CROCC: variants seen among roughly 807,000 people sequenced by gnomAD.
CROCC encodes the protein rootletin.
A neutral mutation model predicts 245.2 loss-of-function variants in CROCC; 180 were observed. That is an observed-to-expected ratio of 0.73 (90% CI 0.65 to 0.83). The LOEUF is 0.83. CROCC is among the 40% of genes least tolerant of loss of function. CROCC has a pLI of 0.00. For missense variants in CROCC, 2,688 were observed against 2,779.4 expected (o/e 0.97, Z 0.74); for synonymous variants, 1,205 against 1,241.6 (o/e 0.97, Z 0.62).
intron 34 of CROCC, 40 bp downstream of exon 34, chr1:16,970,493 G>T: frequency 1.3e-6 from 2 of 1,517,790 alleles, no homozygotes; most frequent in Admixed American, 2.0e-5. Context: ...TTCCTCTGGG[G>T]CCTAACCGTG....
chr1:16,964,537 C>T (rs981331150), intron 27 of CROCC, among the ~76,000 whole-genome samples: 2 of 151,942 alleles, frequency 1.3e-5, no homozygotes, highest in Non-Finnish European at 2.9e-5. Context: ...TACAGGCGCC[C>T]GCCACCACAC....
At chr1:16,938,628 C>T (rs2075845812) in intron 11 of CROCC, 145 bp downstream of exon 11, 1 of 892,750 alleles carries the variant, frequency 1.1e-6, no homozygotes, top group African/African-American at 1.6e-5. Context: ...CCTGCTAGCT[C>T]ACCCAGCCTC....
At chr1:16,942,374 T>G (rs2075952217) in intron 13 of CROCC, among the ~76,000 whole-genome samples, 1 of 152,294 alleles carries the variant, frequency 6.6e-6, no homozygotes, top group Admixed American at 6.5e-5. Context: ...TGTTTGGTTT[T>G]TCTCTTCATA....
rs1425939478 is a variant in CROCC, at chr1:16,958,627, G to A, written c.3909G>A (p.Leu1303=). Residue 1303 remains leucine (L), a synonymous_variant, in exon 26 of 37, where the codon CTG becomes CTA. Transcript: ENST00000375541. ...AGAACACCAGACTGGGCCGGGAGCT[G>A]GCGGAGCTGCAGGGCCGCCTGGCGC... ...DSENTRLGRE[L]AELQGRLALG... is the part of the protein sequence containing the mutation. The A allele has an allele frequency of 6.4e-7, 1 of 1,555,736 alleles. No homozygotes were observed. Among genetic ancestry groups the A allele is most frequent in the Non-Finnish European group, 8.7e-7 (1 of 1,150,012 alleles).
At chr1:16,957,673 G>A (rs1455318089) in intron 25 of CROCC, among the ~76,000 whole-genome samples, 1 of 152,122 alleles carries the variant, frequency 6.6e-6, no homozygotes, top group Non-Finnish European at 1.5e-5. Flanking sequence ...TCGAACTCCT[G>A]ATGTCAGGTG....
intron 19 of CROCC, among the ~76,000 whole-genome samples, chr1:16,949,989 G>T (rs543948636): frequency 1.4e-4 from 21 of 151,388 alleles, no homozygotes; most frequent in Admixed American, 1.2e-3. Context: ...AGCTGGTCTC[G>T]AACTCTTGAC....
At chr1:16,962,273 C>T (rs570592944) in intron 27 of CROCC, among the ~76,000 whole-genome samples, 4 of 150,874 alleles carry the variant, frequency 2.7e-5, no homozygotes, top group Middle Eastern at 3.4e-3. Flanking sequence ...AGGCTGGGCG[C>T]GGTGGCTCAT....
chr1:16,915,246 C>T (rs1443014915), intron 1 of CROCC, among the ~76,000 whole-genome samples: 1 of 152,406 alleles, frequency 6.6e-6, no homozygotes, highest in Non-Finnish European at 1.5e-5. Context: ...CCAACATGAC[C>T]CCAGCCAGAG....
chr1:16,936,539 G>A (rs1570621213), intron 8 of CROCC, 98 bp from the exon 9 acceptor site: 1 of 1,268,206 alleles, frequency 7.9e-7, no homozygotes, highest in Non-Finnish European at 1.1e-6. Context: ...GAAGTGCTGG[G>A]ATTATAGGTG....
Position 16,932,682 on chromosome 1 carries a change from AG to A in CROCC, c.956+1291del, listed in dbSNP as rs1467330329. On this transcript the variant is annotated intron_variant, in intron 8 of 36. Transcript: ENST00000375541. ...ATGGAGGTGGGAGCCCATGGCAGCCAGGGGGGTTGCAATGAAGAGCTGGTAC... is the reference window on the plus strand; with the variant it reads ...ATGGAGGTGGGAGCCCATGGCAGCCAGGGGGTTGCAATGAAGAGCTGGTAC... Among the ~76,000 whole-genome samples, 28 of 152,298 alleles carry A rather than the reference AG, an allele frequency of 1.8e-4. No homozygotes were observed. In the East Asian group the frequency reaches 3.9e-3, roughly 21 times the overall value.
intron 3 of CROCC, among the ~76,000 whole-genome samples, chr1:16,926,944 G>A (rs1202000021): frequency 6.6e-6 from 1 of 152,268 alleles, no homozygotes; most frequent in Non-Finnish European, 1.5e-5. Context: ...TTGTGGAAAG[G>A]GGTGAGGTGT....
At position 16,971,542 on chromosome 1, in the gene CROCC, G is replaced by A. The variant is rs1181519165; in HGVS notation, c.5862G>A (p.Leu1954=). 6.5e-7 allele frequency: 1 copy of A among 1,536,884 alleles called. No homozygotes were observed. Among genetic ancestry groups the A allele is most frequent in the South Asian group, 1.2e-5 (1 of 83,916 alleles). ...ATGCGCAGCAGCAGCAGCTGGAGCT[G>A]CAGCAGGAGGTGGAGCGGCTGCGCA... The part of the protein sequence containing the change: ...EVDAQQQQLE[L]QQEVERLRSA... Residue 1954 remains leucine (L), a synonymous_variant, in exon 36 of 37, where the codon CTG becomes CTA. Transcript: ENST00000375541.
chr1:16,934,757 TC>T (rs1465099985), intron 8 of CROCC, among the ~76,000 whole-genome samples: 1 of 152,216 alleles, frequency 6.6e-6, no homozygotes, highest in Non-Finnish European at 1.5e-5. Flanking sequence ...TCCTCTTCCC[TC>T]CTTGGAGGCA....
rs1044142545 is a variant in CROCC, at chr1:16,956,159, A to G, written c.3864+3A>G. The G allele has an allele frequency of 7.2e-6, 11 of 1,535,022 alleles. No homozygotes were observed. Among genetic ancestry groups the G allele is most frequent in the Non-Finnish European group, 9.7e-6 (11 of 1,137,802 alleles). ...AGCTGCAGGAGCTCCGGCGTCAGGT[A>G]CTCTCCCTGTGCCACCCCTTAGCCT... On this transcript the variant is annotated splice_donor_region_variant and intron_variant, in intron 25 of 36. Transcript: ENST00000375541.
At chr1:16,917,103 G>A (rs1187662825), upstream of CROCC, among the ~76,000 whole-genome samples, 15 of 152,292 alleles carry the variant, frequency 9.8e-5, no homozygotes, top group African/African-American at 3.6e-4. Flanking sequence ...GGGTGACAGA[G>A]CCAGACTCCA....
intron 17 of CROCC, among the ~76,000 whole-genome samples, chr1:16,947,214 C>T (rs1248892185): frequency 2.0e-5 from 3 of 152,288 alleles, no homozygotes; most frequent in Non-Finnish European, 2.9e-5. Context: ...CAGTGGCTCA[C>T]GCCTATAATC....
At chr1:16,971,806 G>A (rs186311068) in intron 36 of CROCC, among the ~76,000 whole-genome samples, 159 bp downstream of exon 36, 40 of 152,302 alleles carry the variant, frequency 2.6e-4, no homozygotes, top group African/African-American at 9.4e-4. Context: ...AGACCAGACC[G>A]GGGCCACGGG....
In CROCC at chr1:16,930,495, C is replaced by T. The variant is rs772312386; in HGVS notation, c.750C>T (p.Asn250=). 9.9e-5 allele frequency: 160 copies of T among 1,612,384 alleles called. 2 individuals are homozygous for T. The South Asian group carries it at 1.7e-3, about 17-fold the overall frequency. Residue 250 remains asparagine (N), a synonymous_variant, in exon 7 of 37, where the codon AAC becomes AAT. Coordinates refer to ENST00000375541, the MANE Select transcript of CROCC (RefSeq NM_014675.5). ...AGCTGGACCAGGCAGGCTCGGCCAA[C>T]CAGGCTCTGAGTGAGGACATACGAA... ...REQLDQAGSA[N]QALSEDIRKV...
At chr1:16,933,567 T>C (rs2075725831) in intron 8 of CROCC, among the ~76,000 whole-genome samples, 1 of 152,090 alleles carries the variant, frequency 6.6e-6, no homozygotes, top group African/African-American at 2.4e-5. Context: ...TTGCTTTGTC[T>C]TTTTTTTCTT....
Sources: allele counts gnomAD v4.1 joint callset (sites outside exome capture counted in the v4.1 genomes callset), GRCh38; gene constraint gnomAD v4.1.1; transcripts MANE v1.5; gene names NCBI Gene and HGNC (gene_info 2026-07-23, HGNC 2026-07-21).